PIK3C2B: variants seen among roughly 807,000 people sequenced by gnomAD.
The protein encoded by PIK3C2B is phosphatidylinositol 4-phosphate 3-kinase C2 domain-containing subunit beta.
A neutral mutation model predicts 184.3 loss-of-function variants in PIK3C2B; 83 were observed. The ratio of observed to expected loss-of-function variants is 0.45; its 90% CI spans 0.38 to 0.54. PIK3C2B has a LOEUF of 0.54. Ranked by LOEUF, PIK3C2B falls within the 20% of genes least tolerant of loss-of-function variation. PIK3C2B has a pLI of 0.00. For missense variants in PIK3C2B, 1,736 were observed against 2,113.5 expected (o/e 0.82, Z 3.50); for synonymous variants, 779 against 837.6 (o/e 0.93, Z 1.21).
chr1:204,479,091 G>A (rs1656932373), intron 1 of PIK3C2B, among the ~76,000 whole-genome samples: 1 of 152,166 alleles, frequency 6.6e-6, no homozygotes, highest in Non-Finnish European at 1.5e-5. Context: ...TCTAGAGCTG[G>A]CAATTTTGAT....
At chr1:204,465,681 A>G (rs1290795071) in intron 2 of PIK3C2B, among the ~76,000 whole-genome samples, 1 of 152,160 alleles carries the variant, frequency 6.6e-6, no homozygotes, top group African/African-American at 2.4e-5. Flanking sequence ...CGTGACAGGG[A>G]GCAGAGCAGA....
chr1:204,465,736 C>T (rs1008569542), intron 2 of PIK3C2B, among the ~76,000 whole-genome samples: 2 of 152,320 alleles, frequency 1.3e-5, no homozygotes, highest in African/African-American at 2.4e-5. Flanking sequence ...AGCAGGTGGG[C>T]GGCCCAAATG....
intron 2 of PIK3C2B, among the ~76,000 whole-genome samples, chr1:204,466,183 G>C (rs115223368): frequency 6.6e-6 from 1 of 152,304 alleles, no homozygotes; most frequent in East Asian, 1.9e-4. Context: ...TGCATGACAG[G>C]TTTCTGCCTG....
intron 31 of PIK3C2B, among the ~76,000 whole-genome samples, chr1:204,426,229 C>A (rs771733465): frequency 6.6e-6 from 1 of 152,204 alleles, no homozygotes; most frequent in African/African-American, 2.4e-5. Context: ...AAACCCATCT[C>A]ATTCAGGGAA....
At chr1:204,456,281 A>AT in intron 10 of PIK3C2B, 1 of 394,210 alleles carries the variant, frequency 2.5e-6, no homozygotes, top group East Asian at 3.7e-5. Context: ...CATAATCCTT[A>AT]TTTTTACGTA....
At chr1:204,483,599 GT>G (rs1273609965) in intron 1 of PIK3C2B, among the ~76,000 whole-genome samples, 2 of 152,158 alleles carry the variant, frequency 1.3e-5, no homozygotes, top group African/African-American at 4.8e-5. Flanking sequence ...ATGGTTATGG[GT>G]CATGAAGATT....
chr1:204,453,389 T>C (rs950966700), intron 12 of PIK3C2B, among the ~76,000 whole-genome samples: 2 of 152,360 alleles, frequency 1.3e-5, no homozygotes, highest in East Asian at 1.9e-4. Flanking sequence ...ATTGTTTACA[T>C]GTGGTGATTA....
In PIK3C2B at chr1:204,472,080, A is replaced by C. The variant is rs983075983; in HGVS notation, c.-84-2194T>G. Among the ~76,000 whole-genome samples, 41 of 152,176 alleles carry C rather than the reference A, an allele frequency of 2.7e-4. 1 individual carries two copies. The highest frequency in any genetic ancestry group is 5.3e-4 in the Non-Finnish European group (36 of 68,026). ...AGCCATGACGTGAACAGAGTTGAGA[A>C]GCATTCAACAAATGGTGGTAACGAC... On this transcript the variant is annotated intron_variant, in intron 1 of 32. Transcript: ENST00000684373.
At chr1:204,475,928 T>C (rs937166825) in intron 1 of PIK3C2B, among the ~76,000 whole-genome samples, 1 of 152,082 alleles carries the variant, frequency 6.6e-6, no homozygotes. Flanking sequence ...ACACTGGCAA[T>C]GCTCCTCCCA....
At position 204,431,655 on chromosome 1, in the gene PIK3C2B, A is replaced by G. The variant is rs2271421; in HGVS notation, c.4280+14T>C. ...CCGACATCCCTCTGTGCAGATAGTA[A>G]AGGGGGCAGCTACCTGGGCAAGTGG... is the stretch of plus-strand genomic sequence containing the variant. On this transcript the variant is annotated intron_variant, in intron 28 of 32. Coordinates refer to ENST00000684373, the MANE Select transcript of PIK3C2B (RefSeq NM_001377334.1). 0.11 allele frequency: 179,096 copies of G among 1,613,472 alleles called. 14,722 individuals are homozygous for G. Among genetic ancestry groups the G allele is most frequent in the East Asian group, 0.47 (21,019 of 44,858 alleles).
intron 28 of PIK3C2B, 60 bp downstream of exon 28, chr1:204,431,609 T>A: frequency 6.2e-7 from 1 of 1,604,266 alleles, no homozygotes; most frequent in Admixed American, 1.7e-5. Flanking sequence ...CCACCTCCCA[T>A]CCCGTATCCT....
In PIK3C2B at chr1:204,425,748, T is replaced by A; in HGVS notation, c.4588-7A>T. The A allele has an allele frequency of 6.2e-7, 1 of 1,609,706 alleles. No individual in the cohort carries two copies. Among genetic ancestry groups the A allele is most frequent in the Non-Finnish European group, 8.5e-7 (1 of 1,179,068 alleles). ...TTCCATCCTGGAGCAGTTGCTACAATAGAATGAGAACCAAAAAAATGTTAA... is the reference window on the plus strand; with the variant it reads ...TTCCATCCTGGAGCAGTTGCTACAAAAGAATGAGAACCAAAAAAATGTTAA... On this transcript the variant is annotated splice_polypyrimidine_tract_variant and splice_region_variant and intron_variant, in intron 31 of 32. Coordinates refer to ENST00000684373, the MANE Select transcript of PIK3C2B (RefSeq NM_001377334.1).
intron 1 of PIK3C2B, among the ~76,000 whole-genome samples, chr1:204,485,393 T>G (rs1316753315): frequency 2.0e-5 from 3 of 151,100 alleles, no homozygotes; most frequent in Non-Finnish European, 4.4e-5. Context: ...GAATGATTAT[T>G]CTTTTACCTG....
At chr1:204,440,787 ATT>A (rs869075673) in intron 21 of PIK3C2B, among the ~76,000 whole-genome samples, 38 of 110,462 alleles carry the variant, frequency 3.4e-4, no homozygotes, top group Non-Finnish European at 4.8e-4. Context: ...ATATATATAT[ATT>A]TTTAGTAGAG....
chr1:204,480,394 T>G (rs1395752354), intron 1 of PIK3C2B, among the ~76,000 whole-genome samples: 2 of 152,220 alleles, frequency 1.3e-5, no homozygotes, highest in East Asian at 3.9e-4. Context: ...CTTTGTACTG[T>G]CTCTCCTACT....
intron 1 of PIK3C2B, among the ~76,000 whole-genome samples, chr1:204,486,153 T>C (rs1043253379): frequency 6.6e-6 from 1 of 152,114 alleles, no homozygotes. Context: ...CCCAGCACTT[T>C]GGGAGGTCGA....
At chr1:204,435,393 C>T (rs376983409) in intron 23 of PIK3C2B, 5 of 152,230 alleles carry the variant, frequency 3.3e-5, no homozygotes, top group South Asian at 2.1e-4. Context: ...AAATCCTCTT[C>T]GTGAGGTTTA....
At chr1:204,461,849 C>G (rs1044943666) in intron 5 of PIK3C2B, among the ~76,000 whole-genome samples, 1 of 152,108 alleles carries the variant, frequency 6.6e-6, no homozygotes, top group Non-Finnish European at 1.5e-5. Flanking sequence ...TATCTGAGAG[C>G]AGCCTGCATC....
chr1:204,458,535 C>T (rs1375201034), intron 8 of PIK3C2B, among the ~76,000 whole-genome samples: 1 of 151,460 alleles, frequency 6.6e-6, no homozygotes, highest in African/African-American at 2.4e-5. Flanking sequence ...GCTCTGTCAC[C>T]CAGGCTAGAG....
Sources: allele counts gnomAD v4.1 joint callset (sites outside exome capture counted in the v4.1 genomes callset), GRCh38; gene constraint gnomAD v4.1.1; transcripts MANE v1.5; gene names NCBI Gene and HGNC (gene_info 2026-07-23, HGNC 2026-07-21).